Variants in WWOX observed in about 807,000 individuals in gnomAD.
WWOX encodes WW domain containing oxidoreductase.
A neutral mutation model predicts 46.2 loss-of-function variants in WWOX; 69 were observed. The ratio of observed to expected loss-of-function variants is 1.49; its 90% CI spans 1.23 to 1.82. The LOEUF (loss-of-function observed/expected upper bound fraction) is 1.82. WWOX is among the 40% of genes most tolerant of loss of function. The pLI, the probability that WWOX is intolerant of heterozygous loss-of-function variation, is 0.00. For missense variants in WWOX, 919 were observed against 542.6 expected, an observed-to-expected ratio of 1.69 and a Z score of -6.89; for synonymous variants, 359 against 202.6, an observed-to-expected ratio of 1.77 and a Z score of -6.56.
rs2045836902 is a variant in WWOX at position 78,940,788 on chromosome 16, C to T, written c.1057-270820C>T. ...AAGTCCCTGTTTGTTATCTTATTGT[C>T]CTCTTATCCTGGTCCTTAGAGTCTT... On this transcript the variant is annotated intron_variant, in intron 8 of 8. Transcript: ENST00000566780. 1.3e-5 allele frequency among the ~76,000 whole-genome samples: 2 copies of T among 149,542 alleles called. 1 individual carries two copies. The highest frequency in any genetic ancestry group is 1.3e-4 in the Admixed American group (2 of 14,876).
chr16:78,105,941 A>ACAGGCATG (rs1369136878), intron 1 of WWOX, among the ~76,000 whole-genome samples: 1 of 152,158 alleles, frequency 6.6e-6, no homozygotes, highest in African/African-American at 2.4e-5. Context: ...AGCTGGGATT[A>ACAGGCATG]CAGGCATGTG....
At chr16:79,124,306 C>T (rs1168078641) in intron 8 of WWOX, among the ~76,000 whole-genome samples, 1 of 151,742 alleles carries the variant, frequency 6.6e-6, no homozygotes, top group African/African-American at 2.4e-5. Context: ...CATGGAAATG[C>T]ATTTCCAATG....
rs116646279 is a variant in WWOX, at chr16:78,931,452, T to C, written c.1057-280156T>C. Among the ~76,000 whole-genome samples, 863 of 152,284 alleles carry C rather than the reference T, an allele frequency of 5.7e-3. 8 individuals are homozygous for C. Among genetic ancestry groups the C allele is most frequent in the African/African-American group, 0.019 (796 of 41,558 alleles). ...AAAAGTTTGAGCTGGAAATGAAATA[T>C]ACAACTCTGCATAGTCAGCAGATTT... On this transcript the variant is annotated intron_variant, in intron 8 of 8. Coordinates refer to ENST00000566780, the MANE Select transcript of WWOX (RefSeq NM_016373.4).
chr16:78,275,452 G>T (rs537408403), intron 5 of WWOX, among the ~76,000 whole-genome samples: 2 of 152,308 alleles, frequency 1.3e-5, no homozygotes, highest in South Asian at 4.1e-4. Context: ...TGGCTGGTCC[G>T]TACGCATCCC....
At chr16:79,174,031 A>G (rs920286011) in intron 8 of WWOX, among the ~76,000 whole-genome samples, 1 of 152,236 alleles carries the variant, frequency 6.6e-6, no homozygotes, top group Non-Finnish European at 1.5e-5. Flanking sequence ...TGTATTTTCA[A>G]GATACGCAAT....
At chr16:78,614,833 G>A (rs559823178) in intron 8 of WWOX, among the ~76,000 whole-genome samples, 2 of 152,192 alleles carry the variant, frequency 1.3e-5, no homozygotes, top group African/African-American at 2.4e-5. Context: ...TGTGCAGAAC[G>A]TGCAGGCTTG....
intron 5 of WWOX, among the ~76,000 whole-genome samples, chr16:78,384,547 T>A (rs2082021245): frequency 6.6e-6 from 1 of 152,164 alleles, no homozygotes; most frequent in African/African-American, 2.4e-5. Flanking sequence ...CCTTCAATAT[T>A]CTTGGTGGCA....
chr16:78,165,250 C>A (rs533759267), intron 5 of WWOX, among the ~76,000 whole-genome samples: 1 of 152,312 alleles, frequency 6.6e-6, no homozygotes, highest in South Asian at 2.1e-4. Flanking sequence ...AGACTGCATT[C>A]ATTCACTTTT....
At chr16:78,906,188 A>G (rs139044157) in intron 8 of WWOX, among the ~76,000 whole-genome samples, 1,904 of 152,322 alleles carry the variant, frequency 0.012, 29 homozygotes, top group South Asian at 0.033. Flanking sequence ...CTGGGGCAGC[A>G]GAGAGCCACT....
chr16:79,093,224 T>C (rs2049000560), intron 8 of WWOX, among the ~76,000 whole-genome samples: 1 of 152,034 alleles, frequency 6.6e-6, no homozygotes, highest in Non-Finnish European at 1.5e-5. Context: ...CACGGTGTGG[T>C]TGGGAGGAGG....
At chr16:78,832,916 A>G (rs1597691393) in intron 8 of WWOX, among the ~76,000 whole-genome samples, 1 of 151,764 alleles carries the variant, frequency 6.6e-6, no homozygotes, top group Non-Finnish European at 1.5e-5. Context: ...CTCTGAAAGT[A>G]AGAAACTTTC....
chr16:78,858,833 C>A (rs1188548222), intron 8 of WWOX, among the ~76,000 whole-genome samples: 1 of 150,942 alleles, frequency 6.6e-6, no homozygotes. Context: ...CATGTGTCAC[C>A]ACATCTGGCT....
intron 8 of WWOX, among the ~76,000 whole-genome samples, chr16:79,018,156 C>G (rs926605040): frequency 2.0e-5 from 3 of 152,130 alleles, no homozygotes; most frequent in African/African-American, 4.8e-5. Context: ...TCCGGTTAAA[C>G]ACGGTACTGA....
chr16:78,316,550 C>T (rs2080359419), intron 5 of WWOX, among the ~76,000 whole-genome samples: 1 of 152,070 alleles, frequency 6.6e-6, no homozygotes, highest in African/African-American at 2.4e-5. Context: ...GCGGTGTTGG[C>T]CAGGCTGTTC....
intron 8 of WWOX, among the ~76,000 whole-genome samples, chr16:78,701,493 C>G (rs2048216191): frequency 6.6e-6 from 1 of 152,102 alleles, no homozygotes; most frequent in Non-Finnish European, 1.5e-5. Flanking sequence ...CCTCCCTTAC[C>G]TCTCTCTACC....
intron 8 of WWOX, among the ~76,000 whole-genome samples, chr16:78,865,446 C>A (rs2043983132): frequency 6.6e-6 from 1 of 152,202 alleles, no homozygotes; most frequent in Non-Finnish European, 1.5e-5. Flanking sequence ...GGCTCCTTCT[C>A]TTCCTTGCTG....
chr16:79,066,809 C>G (rs532971026), intron 8 of WWOX, among the ~76,000 whole-genome samples: 1 of 152,330 alleles, frequency 6.6e-6, no homozygotes, highest in East Asian at 1.9e-4. Context: ...AGGTACCATA[C>G]AAATGTGGCT....
intron 6 of WWOX, among the ~76,000 whole-genome samples, chr16:78,388,257 C>T (rs1426348448): frequency 6.6e-6 from 1 of 152,148 alleles, no homozygotes; most frequent in Non-Finnish European, 1.5e-5. Context: ...TCTCAAACTC[C>T]TGGCCTCAGG....
chr16:78,113,458 A>G (rs1349401328), intron 3 of WWOX, among the ~76,000 whole-genome samples: 1 of 152,194 alleles, frequency 6.6e-6, no homozygotes, highest in Non-Finnish European at 1.5e-5. Context: ...GTGTTCCAAT[A>G]AAACTTTATT....
Sources: allele counts gnomAD v4.1 joint callset (sites outside exome capture counted in the v4.1 genomes callset), GRCh38; gene constraint gnomAD v4.1.1; transcripts MANE v1.5; gene names NCBI Gene and HGNC (gene_info 2026-07-23, HGNC 2026-07-21).